SLC7A1: variants seen among roughly 807,000 people sequenced by gnomAD.
SLC7A1 encodes solute carrier family 7 member 1.
SLC7A1 carries 10 observed loss-of-function variants against 53.9 expected under a neutral mutation model. That is an observed-to-expected ratio of 0.19 (90% CI 0.11 to 0.31). The LOEUF (loss-of-function observed/expected upper bound fraction) is 0.31, where lower values mean the gene tolerates loss of function less well. SLC7A1 is among the 10% of genes least tolerant of loss of function. The pLI is 1.00. For missense variants in SLC7A1, 525 were observed against 827.2 expected, an observed-to-expected ratio of 0.63 and a Z score of 4.48; for synonymous variants, 342 against 338.7, an observed-to-expected ratio of 1.01 and a Z score of -0.11.
chr13:29,516,677 C>G (rs564121528), intron 11 of SLC7A1, among the ~76,000 whole-genome samples: 33 of 152,326 alleles, frequency 2.2e-4, no homozygotes, highest in Middle Eastern at 6.8e-3. Context: ...CAGACATTTA[C>G]GAGAAGCATC....
At position 29,511,515 on chromosome 13, in the gene SLC7A1, A is replaced by C. The variant is rs1283290494; in HGVS notation, c.*2965T>G. 2 of 152,198 alleles carry C rather than the reference A, an allele frequency of 1.3e-5. No individual in the cohort carries two copies. The highest frequency in any genetic ancestry group is 4.8e-5 in the African/African-American group (2 of 41,438). The allele number at this position is 152,198 out of a possible 1,614,324, so 9.4% of individuals were successfully genotyped here. The stretch of plus-strand genomic sequence containing the variant: ...GTGTGTGAGCAGGGATGATAAGTAG[A>C]GTGGGGGGTGTGTAGAGGCCTGGTC... On this transcript the variant is annotated 3_prime_UTR_variant, in exon 13 of 13. Coordinates refer to ENST00000380752, the MANE Select transcript of SLC7A1 (RefSeq NM_003045.5).
At position 29,523,342 on chromosome 13, in the gene SLC7A1, C is replaced by G. The variant is rs558871896; in HGVS notation, c.973G>C (p.Asp325His). The G allele has an allele frequency of 6.2e-7, 1 of 1,613,712 alleles. No individual in the cohort carries two copies. Among genetic ancestry groups the G allele is most frequent in the Admixed American group, 1.7e-5 (1 of 60,020 alleles). Reference protein sequence around the residue: ...FCLDNNSPLPDAFKHVGWEGA... With the variant: ...FCLDNNSPLPHAFKHVGWEGA... ...TCCCAGCCCACGTGCTTAAAGGCGT[C>G]GGGCAGGGGGCTGTTATTGTCCAGG... Residue 325 changes from aspartate to histidine, a missense_variant, in exon 7 of 13, where the codon GAC becomes CAC. Physicochemically the swap from Asp to His is moderately conservative, Grantham distance 81. This residue lies in a region of SLC7A1 where 354 missense variants were observed against 587.5 expected (regional missense o/e 0.60). Coordinates refer to ENST00000380752, the MANE Select transcript of SLC7A1 (RefSeq NM_003045.5).
At chr13:29,536,805 G>A (rs1007119537) in intron 2 of SLC7A1, among the ~76,000 whole-genome samples, 24 of 152,216 alleles carry the variant, frequency 1.6e-4, no homozygotes, top group Admixed American at 9.2e-4. Context: ...ACAAGTGAGG[G>A]CTTTTCGTCA....
At chr13:29,560,556 A>G (rs994530992) in intron 1 of SLC7A1, among the ~76,000 whole-genome samples, 4 of 151,980 alleles carry the variant, frequency 2.6e-5, no homozygotes, top group African/African-American at 9.6e-5. Context: ...CCAATAACAC[A>G]GTCATTTATT....
chr13:29,535,315 T>C (rs539583726), intron 3 of SLC7A1, among the ~76,000 whole-genome samples: 2 of 152,360 alleles, frequency 1.3e-5, no homozygotes, highest in South Asian at 4.1e-4. Context: ...TAGCTAATGA[T>C]ATGAGAAATG....
intron 2 of SLC7A1, among the ~76,000 whole-genome samples, chr13:29,548,344 C>A (rs1870014974): frequency 6.6e-6 from 1 of 152,218 alleles, no homozygotes; most frequent in Non-Finnish European, 1.5e-5. Flanking sequence ...GCGGTTCACC[C>A]CTTCCTTACC....
At chr13:29,521,781 A>T (rs1366510554) in intron 8 of SLC7A1, among the ~76,000 whole-genome samples, 2 of 152,192 alleles carry the variant, frequency 1.3e-5, no homozygotes, top group Non-Finnish European at 2.9e-5. Flanking sequence ...CTCATCTGAC[A>T]AGATGAAACT....
Position 29,536,053 on chromosome 13 carries a change from G to T in SLC7A1, c.136C>A (p.Leu46Met). 3 of 1,614,040 alleles carry T rather than the reference G, an allele frequency of 1.9e-6. No individual in the cohort carries two copies. The highest frequency in any genetic ancestry group is 2.5e-6 in the Non-Finnish European group (3 of 1,180,048). The change falls in exon 3 of 13, where the codon CTG becomes ATG. Residue 46 changes from leucine (L) to methionine (M), a missense_variant. Leu to Met is a conservative substitution (Grantham distance 15). This residue lies in a region of SLC7A1 where 354 missense variants were observed against 587.5 expected (regional missense o/e 0.60). Coordinates refer to ENST00000380752, the MANE Select transcript of SLC7A1 (RefSeq NM_003045.5). ...DLVALGVGST[L>M]GAGVYVLAGA... ...GCCAGGACGTAGACACCAGCACCCA[G>T]TGTGCTGCCCACCCCGAGGGCCACC...
chr13:29,586,370 T>G (rs1427351634), intron 1 of SLC7A1, among the ~76,000 whole-genome samples: 1 of 152,232 alleles, frequency 6.6e-6, no homozygotes, highest in East Asian at 1.9e-4. Flanking sequence ...GAGCACTATT[T>G]TAGGTGCCAC....
rs2139053227 is a variant in SLC7A1 at position 29,510,139 on chromosome 13, G to GT, written c.*4340dup. The GT allele has an allele frequency of 6.5e-6, 1 of 152,686 alleles. No homozygotes were observed. The highest frequency in any genetic ancestry group is 2.1e-4 in the South Asian group (1 of 4,816). The allele number at this position is 152,686 out of a possible 1,614,324, so 9.5% of individuals were successfully genotyped here. On this transcript the variant is annotated 3_prime_UTR_variant, in exon 13 of 13. Transcript: ENST00000380752. ...GCCAAGGTACTCCATCTCCTGTGGG[G>GT]TTTTCAGCTGGCACTCAGCACATTT...
chr13:29,575,394 T>C (rs905396532), intron 1 of SLC7A1, among the ~76,000 whole-genome samples: 16 of 152,240 alleles, frequency 1.1e-4, no homozygotes, highest in African/African-American at 3.9e-4. Flanking sequence ...TGCTGTATAC[T>C]GCCTCTAACT....
intron 4 of SLC7A1, 109 bp from the exon 5 acceptor site, chr13:29,530,821 G>C: frequency 1.2e-6 from 1 of 834,770 alleles, no homozygotes; most frequent in South Asian, 1.7e-5. Flanking sequence ...CAAGTGCATC[G>C]AGCCTCTGCA....
At chr13:29,572,769 TGGG>T (rs995847556) in intron 1 of SLC7A1, among the ~76,000 whole-genome samples, 1 of 152,100 alleles carries the variant, frequency 6.6e-6, no homozygotes, top group African/African-American at 2.4e-5. Flanking sequence ...TGACCAGCAC[TGGG>T]CGGGGAAGGT....
chr13:29,533,024 T>C, intron 3 of SLC7A1, 42 bp from the exon 4 acceptor site: 1 of 1,566,298 alleles, frequency 6.4e-7, no homozygotes, highest in Non-Finnish European at 8.7e-7. Flanking sequence ...TGAGGACAAC[T>C]GTTAGCCAGG....
chr13:29,528,345 T>C (rs1216248561), intron 5 of SLC7A1, among the ~76,000 whole-genome samples: 2 of 152,332 alleles, frequency 1.3e-5, no homozygotes, highest in South Asian at 4.1e-4. Context: ...AGCGGCAGCC[T>C]GAGTCAAAGG....
chr13:29,535,215 T>C (rs1253015644), intron 3 of SLC7A1, among the ~76,000 whole-genome samples: 1 of 152,220 alleles, frequency 6.6e-6, no homozygotes, highest in East Asian at 1.9e-4. Context: ...GGAAACAATC[T>C]GAACATCCCA....
At chr13:29,529,791 T>C (rs1162036909) in intron 5 of SLC7A1, among the ~76,000 whole-genome samples, 1 of 152,198 alleles carries the variant, frequency 6.6e-6, no homozygotes, top group Non-Finnish European at 1.5e-5. Flanking sequence ...CAAGTCCCCA[T>C]TGTCCATCCT....
At chr13:29,533,151 T>C (rs904372953) in intron 3 of SLC7A1, among the ~76,000 whole-genome samples, 169 bp from the exon 4 acceptor site, 2 of 152,172 alleles carry the variant, frequency 1.3e-5, no homozygotes, top group African/African-American at 2.4e-5. Flanking sequence ...GACGGTCGAC[T>C]AGTGCTAAGT....
intron 1 of SLC7A1, among the ~76,000 whole-genome samples, chr13:29,589,980 A>C (rs962718982): frequency 6.6e-6 from 1 of 152,134 alleles, no homozygotes; most frequent in Non-Finnish European, 1.5e-5. Flanking sequence ...GCTTGCAATG[A>C]TTGATCTTAC....
Sources: gnomAD v4.1 joint callset for allele counts (sites outside exome capture counted in the v4.1 genomes callset) on GRCh38, gnomAD v4.1.1 for gene constraint, gnomAD v4.1.1 regional missense constraint, MANE v1.5 for transcripts, NCBI Gene and HGNC (gene_info 2026-07-23, HGNC 2026-07-21) for gene names.